The following SAMSN1 variants were observed in gnomAD, a reference collection of about 807,000 sequenced individuals.
The protein encoded by SAMSN1 is SAM domain-containing protein SAMSN-1.
Under a neutral mutation model 42.0 loss-of-function variants are expected in SAMSN1, and 31 were observed. That is an observed-to-expected ratio of 0.74 (90% CI 0.55 to 1.00). The LOEUF is 1.00. Among genes scored for constraint, SAMSN1 ranks in the 50% least tolerant of loss-of-function variants. The pLI is 0.00. For synonymous variants in SAMSN1, 178 were observed against 151.9 expected (o/e 1.17, Z -1.26); for missense variants, 464 against 439.4 (o/e 1.06, Z -0.50).
At chr21:14,626,670 C>T (rs1313940649) in intron 2 of SAMSN1, among the ~76,000 whole-genome samples, 2 of 152,230 alleles carry the variant, frequency 1.3e-5, no homozygotes, top group East Asian at 1.9e-4. Context: ...CACTTTTACA[C>T]TGTTGGTGGG....
intron 7 of SAMSN1, among the ~76,000 whole-genome samples, chr21:14,493,492 T>C (rs1459057833): frequency 1.3e-5 from 2 of 151,792 alleles, no homozygotes; most frequent in Admixed American, 1.3e-4. Flanking sequence ...ATGTTTACTA[T>C]AAACAACAGT....
At chr21:14,519,696 ATAGT>A (rs1407407877) in intron 2 of SAMSN1, among the ~76,000 whole-genome samples, 1 of 141,288 alleles carries the variant, frequency 7.1e-6, no homozygotes, top group Non-Finnish European at 1.5e-5. Context: ...AATATTACAG[ATAGT>A]TATATTTGAA....
intron 1 of SAMSN1, among the ~76,000 whole-genome samples, chr21:14,539,156 C>T (rs557390879): frequency 6.6e-6 from 1 of 152,252 alleles, no homozygotes; most frequent in South Asian, 2.1e-4. Context: ...TAACATAAAG[C>T]TTAAAATGAG....
At chr21:14,557,788 C>A (rs1448310643) in intron 2 of SAMSN1, among the ~76,000 whole-genome samples, 2 of 152,184 alleles carry the variant, frequency 1.3e-5, no homozygotes, top group Non-Finnish European at 2.9e-5. Context: ...GATCTGGTCA[C>A]GCTGATCTCT....
chr21:14,630,169 G>A (rs1983293716), intron 2 of SAMSN1, among the ~76,000 whole-genome samples: 1 of 152,124 alleles, frequency 6.6e-6, no homozygotes, highest in South Asian at 2.1e-4. Flanking sequence ...TGCTCTCCCA[G>A]GGCTGCTACT....
intron 1 of SAMSN1, among the ~76,000 whole-genome samples, chr21:14,543,497 G>A (rs1980178167): frequency 6.6e-6 from 1 of 152,054 alleles, no homozygotes; most frequent in African/African-American, 2.4e-5. Flanking sequence ...AAAATCTATT[G>A]CTACATATTA....
chr21:14,516,906 G>C lies in SAMSN1; in HGVS notation c.265C>G (p.Leu89Val). Reference sequence around the variant, plus strand: ...AGAATATTTACCTTTTCCTCAGAAAGGGCTTTGATGTACTTTTTACCCACT... The same window carrying C: ...AGAATATTTACCTTTTCCTCAGAAACGGCTTTGATGTACTTTTTACCCACT... Reference protein sequence around the residue: ...KKVGKKYIKALSEEKDEEDGE... With the variant: ...KKVGKKYIKAVSEEKDEEDGE... Residue 89 changes from leucine to valine, a missense_variant, in exon 3 of 8, where the codon CTT becomes GTT. By Grantham distance (32) the Leu-to-Val change is conservative. Coordinates refer to ENST00000400566, the MANE Select transcript of SAMSN1 (RefSeq NM_022136.5). 6.2e-7 allele frequency: 1 copy of C among 1,603,582 alleles called. No individual in the cohort carries two copies. Among genetic ancestry groups the C allele is most frequent in the Non-Finnish European group, 8.5e-7 (1 of 1,177,078 alleles).
chr21:14,579,785 T>G (rs1378062398), intron 2 of SAMSN1, among the ~76,000 whole-genome samples: 1 of 151,970 alleles, frequency 6.6e-6, no homozygotes, highest in African/African-American at 2.4e-5. Context: ...CCTGGCCACT[T>G]CTTCAGATAT....
intron 2 of SAMSN1, among the ~76,000 whole-genome samples, chr21:14,640,349 T>C (rs1983564713): frequency 6.6e-6 from 1 of 152,166 alleles, no homozygotes; most frequent in Non-Finnish European, 1.5e-5. Context: ...AGTAACTCTC[T>C]TCTCTGGAAA....
intron 6 of SAMSN1, among the ~76,000 whole-genome samples, chr21:14,600,875 G>A (rs1402415113): frequency 6.6e-6 from 1 of 152,160 alleles, no homozygotes; most frequent in African/African-American, 2.4e-5. Flanking sequence ...GAAAGAGTAA[G>A]AGGAGAAGGA....
chr21:14,648,736 G>C (rs1271540968), intron 1 of SAMSN1, among the ~76,000 whole-genome samples: 1 of 151,664 alleles, frequency 6.6e-6, no homozygotes, highest in Non-Finnish European at 1.5e-5. Context: ...TCTCACACCA[G>C]TTAGAATGGC....
chr21:14,642,391 C>T (rs1983617386), intron 2 of SAMSN1, among the ~76,000 whole-genome samples: 3 of 152,144 alleles, frequency 2.0e-5, no homozygotes, highest in Admixed American at 2.0e-4. Flanking sequence ...GGTGTGTATC[C>T]ATAAATTCAG....
At chr21:14,607,496 C>T (rs1322058437) in intron 5 of SAMSN1, among the ~76,000 whole-genome samples, 2 of 152,174 alleles carry the variant, frequency 1.3e-5, no homozygotes, top group Admixed American at 6.5e-5. Context: ...TGTCCAGTGA[C>T]TCAACTGCTA....
chr21:14,582,219 C>T (rs951927684), exon 2 of SAMSN1: 3 of 1,550,802 alleles, frequency 1.9e-6, no homozygotes, highest in Non-Finnish European at 2.6e-6. Flanking sequence ...TCCCAGGGTC[C>T]AACTTGTGCT....
At chr21:14,627,665 C>T (rs1481574826) in intron 2 of SAMSN1, among the ~76,000 whole-genome samples, 3 of 152,122 alleles carry the variant, frequency 2.0e-5, no homozygotes, top group Admixed American at 2.0e-4. Flanking sequence ...CCCCTAGTAG[C>T]AGTGAGCATT....
At chr21:14,495,452 A>T (rs1262495044) in intron 7 of SAMSN1, among the ~76,000 whole-genome samples, 1 of 152,228 alleles carries the variant, frequency 6.6e-6, no homozygotes, top group African/African-American at 2.4e-5. Context: ...CATCTTTTTG[A>T]CATGTATATT....
intron 1 of SAMSN1, among the ~76,000 whole-genome samples, chr21:14,529,576 G>T (rs1044773529): frequency 3.3e-5 from 5 of 152,160 alleles, no homozygotes; most frequent in Non-Finnish European, 5.9e-5. Flanking sequence ...CTCAGAGTAA[G>T]GGCTGTCGGT....
chr21:14,582,138 A>C, exon 2 of SAMSN1: 1 of 1,541,898 alleles, frequency 6.5e-7, no homozygotes, highest in Non-Finnish European at 8.8e-7. Context: ...AAACTTACCC[A>C]TGAATGTAGG....
At chr21:14,611,918 TA>T (rs1415453301) in intron 4 of SAMSN1, among the ~76,000 whole-genome samples, 3 of 152,070 alleles carry the variant, frequency 2.0e-5, no homozygotes, top group African/African-American at 7.2e-5. Flanking sequence ...AGGGTACCCA[TA>T]AGTTTGGCAC....
Sources: gnomAD v4.1 joint callset for allele counts (sites outside exome capture counted in the v4.1 genomes callset) on GRCh38, gnomAD v4.1.1 for gene constraint, MANE v1.5 for transcripts, NCBI Gene and HGNC (gene_info 2026-07-23, HGNC 2026-07-21) for gene names.